The following ACBD5 variants were observed in gnomAD, a reference collection of about 807,000 sequenced individuals.
ACBD5 encodes acyl-CoA binding domain containing 5, also known as acyl-CoA-binding domain-containing protein 5.
Under a neutral mutation model 71.8 loss-of-function variants are expected in ACBD5, and 40 were observed. That is an observed-to-expected ratio of 0.56 (90% CI 0.43 to 0.72). The LOEUF is 0.72. Among genes scored for constraint, ACBD5 ranks in the 30% least tolerant of loss-of-function variants. The pLI, the probability that ACBD5 is intolerant of heterozygous loss-of-function variation, is 0.00. For missense variants in ACBD5, 559 were observed against 644.5 expected (o/e 0.87, Z 1.44); for synonymous variants, 229 against 218.6 (o/e 1.05, Z -0.42).
At chr10:27,220,012 A>C (rs1335816454) in intron 5 of ACBD5, among the ~76,000 whole-genome samples, 155 bp from the exon 6 acceptor site, 1 of 152,190 alleles carries the variant, frequency 6.6e-6, no homozygotes, top group African/African-American at 2.4e-5. Context: ...GACTATAAAC[A>C]TACATATATT....
intron 3 of ACBD5, among the ~76,000 whole-genome samples, chr10:27,233,759 G>C (rs2064233640): frequency 6.6e-6 from 1 of 151,946 alleles, no homozygotes; most frequent in Non-Finnish European, 1.5e-5. Context: ...TTCACCACTG[G>C]GGCGGGAGCG....
At position 27,218,036 on chromosome 10, in the gene ACBD5, TTTAC is replaced by T; in HGVS notation, c.769_772del (p.Val257SerfsTer21). ...TTGCCCCAAGTTTTCATCAATGGGC[TTTAC>T]TTCTTCAGTGCTTCTGCCATTCAGG... On this transcript the variant is annotated frameshift_variant, in exon 7 of 13. Coordinates refer to ENST00000396271, the MANE Select transcript of ACBD5 (RefSeq NM_145698.5). LOFTEE classifies it high-confidence loss of function. The T allele has an allele frequency of 6.2e-7, 1 of 1,614,168 alleles. No individual in the cohort carries two copies. The highest frequency in any genetic ancestry group is 8.5e-7 in the Non-Finnish European group (1 of 1,180,022).
At position 27,219,781 on chromosome 10, in the gene ACBD5, G is replaced by A. The variant is rs779780388; in HGVS notation, c.567C>T (p.Ala189=). The A allele has an allele frequency of 3.7e-6, 6 of 1,613,750 alleles. No individual in the cohort carries two copies. Among genetic ancestry groups the A allele is most frequent in the South Asian group, 1.1e-5 (1 of 91,046 alleles). ...NGKAESSDSG[A]ESEEEEAQEE... ...CTTGGGCCTCTTCTTCCTCAGACTC[G>A]GCTCCACTGTCACTGCTTTCAGCTT... The change falls in exon 6 of 13, where the codon GCC becomes GCT. Residue 189 remains alanine (A), a synonymous_variant. Coordinates refer to ENST00000396271, the MANE Select transcript of ACBD5 (RefSeq NM_145698.5).
intron 7 of ACBD5, among the ~76,000 whole-genome samples, chr10:27,216,985 A>C (rs748078201): frequency 7.2e-5 from 11 of 151,812 alleles, no homozygotes; most frequent in Non-Finnish European, 1.2e-4. Flanking sequence ...TCTCACTAAA[A>C]AATACAAAAA....
In ACBD5 at chr10:27,195,797, T is replaced by G. The variant is rs768016882; in HGVS notation, c.*1633A>C. 2.4e-6 allele frequency: 1 copy of G among 412,402 alleles called. No homozygotes were observed. The highest frequency in any genetic ancestry group is 4.7e-6 in the Non-Finnish European group (1 of 214,068). 25.5% of individuals were successfully genotyped at this position (412,402 alleles called of 1,614,324 possible). A position where few individuals can be genotyped will look rare whatever the true frequency, so the allele number is the denominator to read the frequency against. Reference sequence around the variant, plus strand: ...AAAGTAAATTGTATTCTTATACTTTTCAGGCAAACAAAGAACCATTCTGTA... The same window carrying G: ...AAAGTAAATTGTATTCTTATACTTTGCAGGCAAACAAAGAACCATTCTGTA... On this transcript the variant is annotated 3_prime_UTR_variant, in exon 13 of 13. Transcript: ENST00000396271.
At chr10:27,229,836 G>A (rs563705544) in intron 4 of ACBD5, among the ~76,000 whole-genome samples, 45 of 152,096 alleles carry the variant, frequency 3.0e-4, no homozygotes, top group African/African-American at 8.0e-4. Flanking sequence ...TTCACAATAC[G>A]CAATGAAATT....
Position 27,240,265 on chromosome 10 carries a change from G to C in ACBD5, c.181+54C>G. On this transcript the variant is annotated intron_variant, in intron 2 of 12. Transcript: ENST00000396271. The surrounding 1 kb of genome is among the most constrained non-coding windows in gnomAD (Gnocchi z 4.1). ...AACACTAGAACCAGAAAGTGAAAGGGGGCTTTGGGGCTCTCTGCAGGAGGC... is the reference window on the plus strand; with the variant it reads ...AACACTAGAACCAGAAAGTGAAAGGCGGCTTTGGGGCTCTCTGCAGGAGGC... The C allele has an allele frequency of 1.2e-6, 2 of 1,613,708 alleles. No individual in the cohort carries two copies. The highest frequency in any genetic ancestry group is 1.7e-5 in the Admixed American group (1 of 60,016).
intron 3 of ACBD5, among the ~76,000 whole-genome samples, chr10:27,234,487 GC>G (rs1326785402): frequency 3.9e-5 from 3 of 77,578 alleles, no homozygotes; most frequent in African/African-American, 1.2e-4. Context: ...AGTTGCTCTT[GC>G]CTTAAAAAAA....
chr10:27,198,816 A>G (rs1175947329), intron 12 of ACBD5, among the ~76,000 whole-genome samples: 1 of 152,206 alleles, frequency 6.6e-6, no homozygotes, highest in Non-Finnish European at 1.5e-5. Context: ...GCAGATTTAT[A>G]GAAGGGCAGA....
At chr10:27,197,500 G>T in intron 12 of ACBD5, 58 bp from the exon 13 acceptor site, 1 of 1,252,302 alleles carries the variant, frequency 8.0e-7, no homozygotes, top group Non-Finnish European at 1.2e-6. Context: ...TAATTCTCTG[G>T]ATGGTAACAT....
chr10:27,208,554 G>A (rs566411896), intron 9 of ACBD5, 109 bp from the exon 10 acceptor site: 1 of 1,332,886 alleles, frequency 7.5e-7, no homozygotes, highest in East Asian at 2.5e-5. Context: ...TCTCCAAAGT[G>A]TGGCCAGGAG....
At chr10:27,190,242 G>A (rs376388926), downstream of ACBD5, among the ~76,000 whole-genome samples, 6 of 152,112 alleles carry the variant, frequency 3.9e-5, no homozygotes, top group South Asian at 4.1e-4. Context: ...CCAAAATGGC[G>A]CCATTGCACT....
rs1446773996 is a variant in ACBD5 at position 27,240,551 on chromosome 10, TC to T, written c.16-68del. On this transcript the variant is annotated intron_variant, in intron 1 of 12. Transcript: ENST00000396271. This position sits in a 1 kb window ranked among gnomAD's most constrained non-coding sequence, Gnocchi z 4.1. ...GGAGGAGGCCCGGGAGCGAAGCGGG[TC>T]AGTTCCCCTTTGCCCTGCCCTATCC... 2.6e-6 allele frequency: 4 copies of T among 1,549,258 alleles called. No homozygotes were observed. The highest frequency in any genetic ancestry group is 3.5e-6 in the Non-Finnish European group (4 of 1,145,438).
chr10:27,238,271 C>T (rs767794754), intron 2 of ACBD5, among the ~76,000 whole-genome samples: 2 of 152,184 alleles, frequency 1.3e-5, no homozygotes, highest in Non-Finnish European at 2.9e-5. Flanking sequence ...GCCACCGCAC[C>T]CGGCCGATAG....
Position 27,196,558 on chromosome 10 carries a change from C to T in ACBD5, c.*872G>A. The T allele has an allele frequency of 2.2e-6, 1 of 452,098 alleles. No individual in the cohort carries two copies. The highest frequency in any genetic ancestry group is 4.4e-6 in the Non-Finnish European group (1 of 226,142). The allele number at this position is 452,098 out of a possible 1,614,324, so 28.0% of individuals were successfully genotyped here. On this transcript the variant is annotated 3_prime_UTR_variant, in exon 13 of 13. Transcript: ENST00000396271. Reference sequence around the variant, plus strand: ...GCAGAAAAGTGATTTTCGTGTGTTTCCTTTTTGACTGTTGTAAAAACAGTA... The same window carrying T: ...GCAGAAAAGTGATTTTCGTGTGTTTTCTTTTTGACTGTTGTAAAAACAGTA...
intron 13 of ACBD5, among the ~76,000 whole-genome samples, chr10:27,185,259 G>A (rs1245077709): frequency 6.6e-6 from 1 of 152,152 alleles, no homozygotes; most frequent in Non-Finnish European, 1.5e-5. Flanking sequence ...ATTCATCATG[G>A]AAGATCAATG....
Position 27,218,012 on chromosome 10 carries a change from T to C in ACBD5, c.797A>G (p.Gln266Arg). Residue 266 changes from glutamine (Q) to arginine (R), a missense_variant, in exon 7 of 13, where the codon CAA becomes CGA. Gln to Arg is a conservative substitution (Grantham distance 43). Transcript: ENST00000396271. The part of the protein sequence containing the change: ...EVKPIDENLG[Q>R]TGKSAVCIHQ... ...AATGCAAACAGCAGATTTTCCAGTT[T>C]GCCCCAAGTTTTCATCAATGGGCTT... 6.2e-7 allele frequency: 1 copy of C among 1,614,166 alleles called. No homozygotes were observed. The highest frequency in any genetic ancestry group is 8.5e-7 in the Non-Finnish European group (1 of 1,180,014).
At chr10:27,199,489 A>C (rs1564551441) in intron 12 of ACBD5, among the ~76,000 whole-genome samples, 1 of 152,160 alleles carries the variant, frequency 6.6e-6, no homozygotes. Context: ...TGGAGGGTAT[A>C]GTGTGATAGA....
At chr10:27,183,374 C>T (rs2058439727) in intron 13 of ACBD5, among the ~76,000 whole-genome samples, 2 of 152,068 alleles carry the variant, frequency 1.3e-5, no homozygotes. Context: ...ACCTCCGCCT[C>T]CCAGGTTCAA....
Sources: allele counts gnomAD v4.1 joint callset (sites outside exome capture counted in the v4.1 genomes callset), GRCh38; gene constraint gnomAD v4.1.1; non-coding constraint Gnocchi (gnomAD v3.1); transcripts MANE v1.5; gene names NCBI Gene and HGNC (gene_info 2026-07-23, HGNC 2026-07-21).